C9orf72: variants seen among roughly 807,000 people sequenced by gnomAD.
C9orf72 encodes guanine nucleotide exchange factor C9orf72.
Under a neutral mutation model 51.6 loss-of-function variants are expected in C9orf72, and 44 were observed. That is an observed-to-expected ratio of 0.85 (90% CI 0.67 to 1.10). The LOEUF is 1.10. Ranked by LOEUF, C9orf72 falls within the 50% of genes least tolerant of loss-of-function variation. The pLI, the probability that C9orf72 is intolerant of heterozygous loss-of-function variation, is 0.00. For missense variants in C9orf72, 607 were observed against 570.6 expected, an observed-to-expected ratio of 1.06 and a Z score of -0.65; for synonymous variants, 213 against 194.2, an observed-to-expected ratio of 1.10 and a Z score of -0.81.
Position 27,573,477 on chromosome 9 carries a change from C to T in C9orf72, c.-91G>A, listed in dbSNP as rs1004876907. The T allele has an allele frequency of 1.4e-4, 19 of 137,932 alleles. No individual in the cohort carries two copies. The highest frequency in any genetic ancestry group is 1.9e-4 in the South Asian group (1 of 5,222). The allele number at this position is 137,932 out of a possible 1,614,324, so 8.5% of individuals were successfully genotyped here. ...TCCGCCGCCGCGGGCGCAGGCACCG[C>T]AACCGCAGCCCCGCCCCGGGCCCGC... is the stretch of plus-strand genomic sequence containing the variant. On this transcript the variant is annotated 5_prime_UTR_variant, in exon 1 of 11. Coordinates refer to ENST00000380003, the MANE Select transcript of C9orf72 (RefSeq NM_018325.5).
At chr9:27,553,809 G>A (rs1288050978) in intron 8 of C9orf72, among the ~76,000 whole-genome samples, 1 of 151,944 alleles carries the variant, frequency 6.6e-6, no homozygotes, top group Admixed American at 6.6e-5. Context: ...TCCAACAAAG[G>A]GATATGCAGA....
intron 7 of C9orf72, among the ~76,000 whole-genome samples, chr9:27,558,223 T>C (rs974729017): frequency 8.3e-5 from 12 of 144,826 alleles, no homozygotes; most frequent in Non-Finnish European, 1.6e-4. Context: ...GATTTAAGCA[T>C]GTGTTAAAAA....
At chr9:27,560,618 T>TA in intron 5 of C9orf72, 1 of 1,002,962 alleles carries the variant, frequency 1.0e-6, no homozygotes, top group Non-Finnish European at 1.2e-6. Context: ...GTGACTTACT[T>TA]AAAGTCAAAT....
chr9:27,562,860 G>A (rs769539579), intron 3 of C9orf72, among the ~76,000 whole-genome samples: 2 of 151,754 alleles, frequency 1.3e-5, no homozygotes, highest in African/African-American at 2.4e-5. Context: ...TAGTAGAGAC[G>A]GGGTTTCGCC....
chr9:27,550,793 G>T, intron 8 of C9orf72, 86 bp from the exon 9 acceptor site: 2 of 604,120 alleles, frequency 3.3e-6, no homozygotes, highest in Non-Finnish European at 5.8e-6. Context: ...TCCCTCACTT[G>T]AGCCAACATT....
At chr9:27,562,952 T>C (rs1380324591) in intron 3 of C9orf72, among the ~76,000 whole-genome samples, 2 of 152,190 alleles carry the variant, frequency 1.3e-5, no homozygotes, top group Non-Finnish European at 2.9e-5. Context: ...ATGGAATCAT[T>C]GGTTTATCGT....
chr9:27,553,430 C>T (rs1331137529), intron 8 of C9orf72, among the ~76,000 whole-genome samples: 1 of 152,058 alleles, frequency 6.6e-6, no homozygotes, highest in Admixed American at 6.5e-5. Flanking sequence ...ATCTGATCTT[C>T]AACAAAGTTG....
At chr9:27,549,778 A>C (rs1820869144) in intron 9 of C9orf72, among the ~76,000 whole-genome samples, 1 of 76,790 alleles carries the variant, frequency 1.3e-5, no homozygotes, top group African/African-American at 4.2e-5. Context: ...CCCTTTCTCA[A>C]AAAAAAAAAA....
At chr9:27,558,446 T>C (rs1226149071) in intron 7 of C9orf72, 45 bp downstream of exon 7, 2 of 1,036,210 alleles carry the variant, frequency 1.9e-6, no homozygotes, top group Non-Finnish European at 1.5e-6. Context: ...GTCTCAAAAA[T>C]GATTTTAGAA....
chr9:27,571,842 T>C (rs1049096743), intron 1 of C9orf72, among the ~76,000 whole-genome samples: 1 of 152,222 alleles, frequency 6.6e-6, no homozygotes, highest in Non-Finnish European at 1.5e-5. Context: ...CAACAGGAGC[T>C]GCCCAGGACC....
chr9:27,573,041 C>G (rs1384424909), intron 1 of C9orf72, among the ~76,000 whole-genome samples: 1 of 152,196 alleles, frequency 6.6e-6, no homozygotes, highest in Non-Finnish European at 1.5e-5. Context: ...AGAAGCCGCG[C>G]GCCGCCCACC....
chr9:27,551,838 T>G (rs1428184145), intron 8 of C9orf72, among the ~76,000 whole-genome samples: 1 of 152,222 alleles, frequency 6.6e-6, no homozygotes, highest in Admixed American at 6.5e-5. Context: ...CATTTGTTTG[T>G]GTCATCTCTG....
chr9:27,564,156 C>CAAAAAAAA (rs11438223), intron 3 of C9orf72, among the ~76,000 whole-genome samples: 2 of 86,726 alleles, frequency 2.3e-5, no homozygotes, highest in African/African-American at 4.5e-5. Context: ...TCAACAACAC[C>CAAAAAAAA]AAAAAAAAAA....
chr9:27,569,616 G>C (rs1369116960), intron 1 of C9orf72, among the ~76,000 whole-genome samples: 1 of 152,180 alleles, frequency 6.6e-6, no homozygotes, highest in African/African-American at 2.4e-5. Context: ...GTTTGTGTAA[G>C]TACACTCTAT....
Position 27,566,737 on chromosome 9 carries a change from A to G in C9orf72, c.384T>C (p.His128=), listed in dbSNP as rs111392681. ...GTGTTAATCTATCAACACACACTCT[A>G]TGAAGTGGGAGGTAGAAACTAAGTT... ...QTELSFYLPL[H]RVCVDRLTHI... The change falls in exon 2 of 11, where the codon CAT becomes CAC. Residue 128 remains histidine, a synonymous_variant. Coordinates refer to ENST00000380003, the MANE Select transcript of C9orf72 (RefSeq NM_018325.5). The G allele has an allele frequency of 5.6e-5, 90 of 1,613,756 alleles. No individual in the cohort carries two copies. In the African/African-American group the frequency reaches 6.9e-4, roughly 12 times the overall value.
At position 27,550,638 on chromosome 9, in the gene C9orf72, T is replaced by A. The variant is rs758361987; in HGVS notation, c.1149+12A>T. 1.9e-6 allele frequency: 3 copies of A among 1,541,604 alleles called. No individual in the cohort carries two copies. The South Asian group carries it at 3.5e-5, about 18-fold the overall frequency. On this transcript the variant is annotated intron_variant, in intron 9 of 10. Coordinates refer to ENST00000380003, the MANE Select transcript of C9orf72 (RefSeq NM_018325.5). ...TATCATTCACTCTGACAATCTCAAG[T>A]TCAACATTTACCTGATCCAGGAAGG... is the stretch of plus-strand genomic sequence containing the variant.
chr9:27,561,728 C>A (rs981395691), intron 4 of C9orf72, 79 bp from the exon 5 acceptor site: 3 of 894,080 alleles, frequency 3.4e-6, no homozygotes, highest in Admixed American at 2.6e-5. Context: ...TACAAGTTTT[C>A]GGAAGTCTGG....
In C9orf72 at chr9:27,562,444, T is replaced by C; in HGVS notation, c.537A>G (p.Glu179=). 1 of 1,594,556 alleles carries C rather than the reference T, an allele frequency of 6.3e-7. No individual in the cohort carries two copies. The highest frequency in any genetic ancestry group is 1.1e-5 in the South Asian group (1 of 88,480). The change falls in exon 4 of 11, where the codon GAA becomes GAG. Residue 179 remains glutamate, a synonymous_variant. Transcript: ENST00000380003. The part of the protein sequence containing the change: ...GQSIIPMLTG[E]VIPVMELLSS... ...AAAGCAGTTCCATTACAGGAATCAC[T>C]TCTCCAGTAAGCATTGGAATAATAC... is the stretch of plus-strand genomic sequence containing the variant.
Position 27,561,695 on chromosome 9 carries a change from G to A in C9orf72, c.601-46C>T, listed in dbSNP as rs187657242. 1.2e-5 allele frequency: 15 copies of A among 1,220,868 alleles called. No homozygotes were observed. The Admixed American group carries it at 2.8e-4, about 23-fold the overall frequency. The allele number at this position is 1,220,868 out of a possible 1,614,324, so 75.6% of individuals were successfully genotyped here. A position where few individuals can be genotyped will look rare whatever the true frequency, so the allele number is the denominator to read the frequency against. ...AAAAAATTAGTCTGGCTGTAACATAGTGTTGAAATAACACTTTTAATATAC... is the reference window on the plus strand; with the variant it reads ...AAAAAATTAGTCTGGCTGTAACATAATGTTGAAATAACACTTTTAATATAC... On this transcript the variant is annotated intron_variant, in intron 4 of 10. Coordinates refer to ENST00000380003, the MANE Select transcript of C9orf72 (RefSeq NM_018325.5).
Sources: gnomAD v4.1 joint callset for allele counts (sites outside exome capture counted in the v4.1 genomes callset) on GRCh38, gnomAD v4.1.1 for gene constraint, MANE v1.5 for transcripts, NCBI Gene and HGNC (gene_info 2026-07-23, HGNC 2026-07-21) for gene names.